Variants in DNAH7 observed in about 807,000 individuals in gnomAD.
DNAH7 encodes the protein dynein axonemal heavy chain 7, also known as axonemal beta dynein heavy chain 7.
Under a neutral mutation model 444.6 loss-of-function variants are expected in DNAH7, and 397 were observed. That is an observed-to-expected ratio of 0.89 (90% CI 0.82 to 0.97). The LOEUF is 0.97. DNAH7 is among the 50% of genes least tolerant of loss of function. DNAH7 has a pLI of 0.00. For synonymous variants in DNAH7, 1,636 were observed against 1,624.4 expected, an observed-to-expected ratio of 1.01 and a Z score of -0.17; for missense variants, 4,902 against 4,800.8, an observed-to-expected ratio of 1.02 and a Z score of -0.62.
In DNAH7 at chr2:195,808,848, A is replaced by G. The variant is rs926086038; in HGVS notation, c.9917T>C (p.Leu3306Pro). ...ATTATCCAGTCCAATGCCACCAGTTAGCAGAAATCTCCACTCAGCTTTATT... is the reference window on the plus strand; with the variant it reads ...ATTATCCAGTCCAATGCCACCAGTTGGCAGAAATCTCCACTCAGCTTTATT... ...AINKAEWRFL[L>P]TGGIGLDNPY... The change falls in exon 53 of 65, where the codon CTA becomes CCA. Residue 3306 changes from leucine to proline, a missense_variant. Coordinates refer to ENST00000312428, the MANE Select transcript of DNAH7 (RefSeq NM_018897.3). 3 of 1,613,642 alleles carry G rather than the reference A, an allele frequency of 1.9e-6. No homozygotes were observed. The highest frequency in any genetic ancestry group is 2.5e-6 in the Non-Finnish European group (3 of 1,179,822).
At chr2:195,990,803 GTGTGTGTGTA>G (rs1346681393) in intron 12 of DNAH7, among the ~76,000 whole-genome samples, 3 of 143,544 alleles carry the variant, frequency 2.1e-5, no homozygotes, top group African/African-American at 7.7e-5. Flanking sequence ...GTGTGTGTGT[GTGTGTGTGTA>G]TATATATATA....
intron 31 of DNAH7, among the ~76,000 whole-genome samples, chr2:195,889,902 T>A (rs1391712310): frequency 1.3e-5 from 2 of 152,206 alleles, no homozygotes; most frequent in African/African-American, 4.8e-5. Context: ...CCCACAATGA[T>A]ATAATAAATA....
intron 62 of DNAH7, among the ~76,000 whole-genome samples, chr2:195,755,373 T>C (rs1038553091): frequency 4.6e-5 from 7 of 152,202 alleles, no homozygotes; most frequent in East Asian, 1.9e-4. Flanking sequence ...GTTCATAACA[T>C]AGATTCTAAT....
At chr2:195,929,769 C>G (rs940829246) in intron 21 of DNAH7, among the ~76,000 whole-genome samples, 2 of 152,086 alleles carry the variant, frequency 1.3e-5, no homozygotes, top group African/African-American at 4.8e-5. Context: ...TATAAGAATC[C>G]TAGAAGAAAA....
intron 25 of DNAH7, among the ~76,000 whole-genome samples, chr2:195,907,665 A>G (rs886953740): frequency 6.6e-6 from 1 of 152,142 alleles, no homozygotes; most frequent in Non-Finnish European, 1.5e-5. Context: ...GTATGTGCCA[A>G]CCGTGACTCA....
chr2:196,050,041 C>CA (rs1252860170), intron 3 of DNAH7, among the ~76,000 whole-genome samples: 1 of 152,058 alleles, frequency 6.6e-6, no homozygotes, highest in African/African-American at 2.4e-5. Context: ...TTTAAATGTT[C>CA]AATATAATTA....
intron 48 of DNAH7, among the ~76,000 whole-genome samples, chr2:195,826,846 A>T (rs1697782930): frequency 6.6e-6 from 1 of 152,170 alleles, no homozygotes; most frequent in African/African-American, 2.4e-5. Flanking sequence ...GGGATCCAAG[A>T]TCCTGCCATC....
intron 5 of DNAH7, among the ~76,000 whole-genome samples, chr2:196,036,665 C>T (rs1696414821): frequency 1.3e-5 from 2 of 152,206 alleles, no homozygotes; most frequent in Admixed American, 1.3e-4. Context: ...GCTGCCAGTG[C>T]CCACCTGCCC....
In DNAH7 at chr2:195,737,986, A is replaced by T; in HGVS notation, c.12010T>A (p.Ser4004Thr). Residue 4004 changes from serine to threonine, a missense_variant, in exon 65 of 65, where the codon TCT (serine) becomes ACT (threonine). Physicochemically the swap from Ser to Thr is moderately conservative, Grantham distance 58. Transcript: ENST00000312428. ...ATCCAGTGTTCCTTGGGTTGGTCAG[A>T]GGGAAGAGTCATGGCAATCACAAAA... Reference protein sequence around the residue: ...TNFVIAMTLPSDQPKEHWIGR... With the variant: ...TNFVIAMTLPTDQPKEHWIGR... 1.2e-6 allele frequency: 2 copies of T among 1,614,100 alleles called. No individual in the cohort carries two copies. Among genetic ancestry groups the T allele is most frequent in the Non-Finnish European group, 1.7e-6 (2 of 1,179,950 alleles).
chr2:195,971,220 C>T (rs1359203658), intron 16 of DNAH7, among the ~76,000 whole-genome samples: 1 of 152,164 alleles, frequency 6.6e-6, no homozygotes, highest in Non-Finnish European at 1.5e-5. Flanking sequence ...GACATCTGTA[C>T]TGGCTGACCT....
At chr2:195,738,183 G>GTGTT (rs1692766587) in intron 64 of DNAH7, 56 bp from the exon 65 acceptor site, 7 of 1,477,612 alleles carry the variant, frequency 4.7e-6, no homozygotes, top group South Asian at 3.5e-5. Flanking sequence ...AAATGTACAT[G>GTGTT]TGTTTGAGCC....
Position 195,775,960 on chromosome 2 carries a change from T to C in DNAH7, c.11088A>G (p.Thr3696=), listed in dbSNP as rs780021424. The change falls in exon 60 of 65, where the codon ACA becomes ACG. Residue 3696 remains threonine, a synonymous_variant. Transcript: ENST00000312428. ...SGDHKSYIEY[T]KTLPLTPAPE... ...GTGCTGGGGTCAGTGGCAGAGTCTT[T>C]GTGTATTCGATGTAGCTTTTGTGCT... 1.2e-6 allele frequency: 2 copies of C among 1,614,066 alleles called. No individual in the cohort carries two copies. Among genetic ancestry groups the C allele is most frequent in the Non-Finnish European group, 8.5e-7 (1 of 1,180,042 alleles).
chr2:195,741,322 T>C (rs568586589), intron 63 of DNAH7, among the ~76,000 whole-genome samples: 2 of 152,338 alleles, frequency 1.3e-5, no homozygotes, highest in South Asian at 2.1e-4. Context: ...AAGAGTTAAA[T>C]TGCTCCTCCC....
intron 30 of DNAH7, chr2:195,892,743 T>C (rs926085491): frequency 3.9e-5 from 6 of 152,032 alleles, no homozygotes; most frequent in African/African-American, 1.4e-4. Context: ...GTAGTATCAT[T>C]ATCCCCCATT....
intron 60 of DNAH7, among the ~76,000 whole-genome samples, chr2:195,773,282 T>C (rs2105943421): frequency 6.6e-6 from 1 of 152,258 alleles, no homozygotes; most frequent in South Asian, 2.1e-4. Flanking sequence ...CGAAAAGTAT[T>C]TGGCTAAAAC....
chr2:195,765,973 C>G lies in DNAH7; in HGVS notation c.11433+5687G>C, dbSNP rs1043418671. On this transcript the variant is annotated intron_variant, in intron 61 of 64. Coordinates refer to ENST00000312428, the MANE Select transcript of DNAH7 (RefSeq NM_018897.3). ...ACAAAAGCCAAGATATGAAAGCAACCTGTGTCCATCAACAAAGGAACAGAT... is the reference window on the plus strand; with the variant it reads ...ACAAAAGCCAAGATATGAAAGCAACGTGTGTCCATCAACAAAGGAACAGAT... 4.6e-5 allele frequency among the ~76,000 whole-genome samples: 7 copies of G among 152,164 alleles called. 1 individual carries two copies. Among genetic ancestry groups the G allele is most frequent in the Admixed American group, 4.6e-4 (7 of 15,278 alleles).
At chr2:195,792,410 C>T (rs1695924143) in intron 57 of DNAH7, among the ~76,000 whole-genome samples, 1 of 147,306 alleles carries the variant, frequency 6.8e-6, no homozygotes, top group Non-Finnish European at 1.5e-5. Context: ...CACACACACA[C>T]ACACACACAC....
chr2:195,779,571 GCCT>G (rs1269742482), intron 58 of DNAH7, among the ~76,000 whole-genome samples: 1 of 151,558 alleles, frequency 6.6e-6, no homozygotes, highest in Admixed American at 6.6e-5. Flanking sequence ...TTTTAAACTA[GCCT>G]CCTATCTACT....
intron 46 of DNAH7, among the ~76,000 whole-genome samples, chr2:195,851,190 G>C (rs1365313342): frequency 6.6e-6 from 1 of 152,148 alleles, no homozygotes; most frequent in Non-Finnish European, 1.5e-5. Context: ...GTTTTGATGG[G>C]AAATAAACTG....
Sources: allele counts gnomAD v4.1 joint callset (sites outside exome capture counted in the v4.1 genomes callset), GRCh38; gene constraint gnomAD v4.1.1; transcripts MANE v1.5; gene names NCBI Gene and HGNC (gene_info 2026-07-23, HGNC 2026-07-21).